Variants in UBXN4 observed in about 807,000 individuals in gnomAD.
The protein encoded by UBXN4 is UBX domain-containing protein 4.
A neutral mutation model predicts 66.2 loss-of-function variants in UBXN4; 35 were observed. The ratio of observed to expected loss-of-function variants is 0.53; its 90% confidence interval spans 0.40 to 0.70. UBXN4 has a LOEUF of 0.70. Among genes scored for constraint, UBXN4 ranks in the 30% least tolerant of loss-of-function variants. The probability of loss-of-function intolerance (pLI) is 0.00; values close to 1 mark genes in which losing one functional copy is unlikely to be tolerated. For missense variants in UBXN4, 533 were observed against 599.8 expected, an observed-to-expected ratio of 0.89 and a Z score of 1.16; for synonymous variants, 203 against 204.5, an observed-to-expected ratio of 0.99 and a Z score of 0.06.
At chr2:135,778,307 A>G (rs1274343986) in intron 10 of UBXN4, among the ~76,000 whole-genome samples, 1 of 152,034 alleles carries the variant, frequency 6.6e-6, no homozygotes, top group Non-Finnish European at 1.5e-5. Context: ...AAAAAATACG[A>G]AAAACAAGTT....
At chr2:135,776,833 T>C (rs2077417956) in intron 10 of UBXN4, among the ~76,000 whole-genome samples, 1 of 152,056 alleles carries the variant, frequency 6.6e-6, no homozygotes, top group Admixed American at 6.6e-5. Flanking sequence ...GGCTCAAGCA[T>C]TCCTCCCACC....
At chr2:135,748,793 G>A (rs2077225188) in intron 2 of UBXN4, among the ~76,000 whole-genome samples, 1 of 151,870 alleles carries the variant, frequency 6.6e-6, no homozygotes, top group African/African-American at 2.4e-5. Context: ...ACTTTGGGAG[G>A]CCAAGACAGG....
At chr2:135,761,172 G>T (rs2105499446) in intron 5 of UBXN4, among the ~76,000 whole-genome samples, 1 of 152,318 alleles carries the variant, frequency 6.6e-6, no homozygotes, top group East Asian at 1.9e-4. Context: ...CAGGTTGGTG[G>T]CAAGTTGTAA....
chr2:135,760,124 C>T lies in UBXN4; in HGVS notation c.509-1694C>T, dbSNP rs575747450. Among the ~76,000 whole-genome samples, 9 of 152,204 alleles carry T rather than the reference C, an allele frequency of 5.9e-5. No homozygotes were observed. In the East Asian group the frequency reaches 1.2e-3, roughly 20 times the overall value. The stretch of plus-strand genomic sequence containing the variant: ...ATATGAGTGTTAATAAGCTATTTCA[C>T]ACAATTTTGGGTCACCCATAAAGTT... On this transcript the variant is annotated intron_variant, in intron 5 of 12. Coordinates refer to ENST00000272638, the MANE Select transcript of UBXN4 (RefSeq NM_014607.4).
chr2:135,758,919 C>T (rs1049005069), intron 5 of UBXN4, among the ~76,000 whole-genome samples: 37 of 152,050 alleles, frequency 2.4e-4, no homozygotes, highest in African/African-American at 8.7e-4. Context: ...CCACCATGCC[C>T]GGCTAATTTT....
In UBXN4 at chr2:135,783,001, C is replaced by T; in HGVS notation, c.*114C>T. ...ATTTTCCAACTGGTCTATAAAATGT[C>T]TCTTTATTCCTGCTTAGTGGGTGTG... On this transcript the variant is annotated 3_prime_UTR_variant, in exon 13 of 13. Transcript: ENST00000272638. The T allele has an allele frequency of 8.7e-7, 1 of 1,145,364 alleles. No individual in the cohort carries two copies. Among genetic ancestry groups the T allele is most frequent in the Non-Finnish European group, 1.2e-6 (1 of 815,192 alleles). The allele number at this position is 1,145,364 out of a possible 1,614,324, so 71.0% of individuals were successfully genotyped here. A position where few individuals can be genotyped will look rare whatever the true frequency, so the allele number is the denominator to read the frequency against.
rs1286814540 is a variant in UBXN4, at chr2:135,782,768, G to C, written c.1408G>C (p.Val470Leu). The C allele has an allele frequency of 1.9e-6, 3 of 1,613,820 alleles. No homozygotes were observed. Among genetic ancestry groups the C allele is most frequent in the Admixed American group, 1.7e-5 (1 of 59,946 alleles). Residue 470 changes from valine (V) to leucine (L), a missense_variant, in exon 13 of 13, where the codon GTG (valine) becomes CTG (leucine). Val to Leu is a conservative substitution (Grantham distance 32, BLOSUM62 1). This residue lies in a region of UBXN4 where 529 missense variants were observed against 580.1 expected (regional missense o/e 0.91). Transcript: ENST00000272638. ...TATCAGGGAACCAGTGAGAAAAAGA[G>C]TGCTGGAAAAACGTGGAGACGACTT... ...SEKREPVRKR[V>L]LEKRGDDFKK...
intron 12 of UBXN4, 132 bp from the exon 13 acceptor site, chr2:135,782,616 TG>T: frequency 9.5e-7 from 1 of 1,053,510 alleles, no homozygotes; most frequent in Non-Finnish European, 1.4e-6. Context: ...TGGTCTCCCA[TG>T]GACTTTCCTT....
intron 7 of UBXN4, 31 bp downstream of exon 7, chr2:135,769,854 C>T (rs766089882): frequency 3.8e-6 from 6 of 1,558,876 alleles, no homozygotes; most frequent in Non-Finnish European, 5.2e-6. Context: ...ATTGTTTTGT[C>T]CTCTCATTAA....
In UBXN4 at chr2:135,751,331, C is replaced by T. The variant is rs144884742; in HGVS notation, c.186-2208C>T. 0.01 allele frequency among the ~76,000 whole-genome samples: 1,558 copies of T among 150,798 alleles called. 96 individuals are homozygous for T. The East Asian group carries it at 0.19, about 18-fold the overall frequency. ...CCTCCCAAGTAGCTGGGACTATAGG[C>T]GCCCACCACCATGCCTGGCTAATTT... On this transcript the variant is annotated intron_variant, in intron 2 of 12. Coordinates refer to ENST00000272638, the MANE Select transcript of UBXN4 (RefSeq NM_014607.4).
chr2:135,764,664 G>A (rs568346869), intron 6 of UBXN4, among the ~76,000 whole-genome samples: 2 of 151,998 alleles, frequency 1.3e-5, no homozygotes, highest in Admixed American at 6.6e-5. Flanking sequence ...CACCACACCC[G>A]GCTAATTTTT....
chr2:135,783,001 C>G lies in UBXN4; in HGVS notation c.*114C>G. ...ATTTTCCAACTGGTCTATAAAATGT[C>G]TCTTTATTCCTGCTTAGTGGGTGTG... On this transcript the variant is annotated 3_prime_UTR_variant, in exon 13 of 13. Coordinates refer to ENST00000272638, the MANE Select transcript of UBXN4 (RefSeq NM_014607.4). 1 of 1,145,364 alleles carries G rather than the reference C, an allele frequency of 8.7e-7. No homozygotes were observed. Among genetic ancestry groups the G allele is most frequent in the African/African-American group, 1.6e-5 (1 of 64,290 alleles). 71.0% of individuals were successfully genotyped at this position (1,145,364 alleles called of 1,614,324 possible). A position where few individuals can be genotyped will look rare whatever the true frequency, so the allele number is the denominator to read the frequency against.
At chr2:135,753,782 A>G in intron 3 of UBXN4, 2 of 477,946 alleles carry the variant, frequency 4.2e-6, no homozygotes, top group Non-Finnish European at 7.3e-6. Flanking sequence ...TGCACCCCAT[A>G]CATTGAGATA....
At chr2:135,767,984 T>C (rs370963850) in intron 6 of UBXN4, among the ~76,000 whole-genome samples, 12 of 152,282 alleles carry the variant, frequency 7.9e-5, no homozygotes, top group Admixed American at 5.2e-4. Context: ...GTCTTCTGGC[T>C]TTTTGACAGT....
intron 1 of UBXN4, among the ~76,000 whole-genome samples, chr2:135,743,951 G>A (rs1376611552): frequency 6.6e-6 from 1 of 152,172 alleles, no homozygotes; most frequent in African/African-American, 2.4e-5. Context: ...AATGTTTGCA[G>A]GAAGACTGTT....
intron 4 of UBXN4, among the ~76,000 whole-genome samples, chr2:135,754,782 CCTTT>C (rs954642355): frequency 5.3e-5 from 8 of 151,890 alleles, no homozygotes; most frequent in African/African-American, 1.9e-4. Flanking sequence ...GACTTCTTTA[CCTTT>C]CTTTATTTTT....
chr2:135,745,274 C>T (rs2077200313), intron 1 of UBXN4, among the ~76,000 whole-genome samples: 1 of 152,148 alleles, frequency 6.6e-6, no homozygotes, highest in Admixed American at 6.5e-5. Context: ...TAGGCCTTTC[C>T]CTACACACGT....
At chr2:135,769,748 G>T (rs559336639) in intron 6 of UBXN4, 21 bp from the exon 7 acceptor site, 246 of 1,133,274 alleles carry the variant, frequency 2.2e-4, no homozygotes, top group Non-Finnish European at 2.5e-4. Context: ...ATTAGTGGTG[G>T]TTTTTTTTTT....
In UBXN4 at chr2:135,754,327, G is replaced by T. The variant is rs751505209; in HGVS notation, c.333+50G>T. On this transcript the variant is annotated intron_variant, in intron 4 of 12. Transcript: ENST00000272638. The stretch of plus-strand genomic sequence containing the variant: ...TCCGTAAATGGTACGTCAGGAATTG[G>T]ATTTTTTTTTTTGAGATGGAGTCTC... The T allele has an allele frequency of 2.3e-5, 34 of 1,463,826 alleles. No individual in the cohort carries two copies. The East Asian group carries it at 7.1e-4, about 31-fold the overall frequency. The allele number at this position is 1,463,826 out of a possible 1,614,324, so 90.7% of individuals were successfully genotyped here.
Sources: gnomAD v4.1 joint callset for allele counts (sites outside exome capture counted in the v4.1 genomes callset) on GRCh38, gnomAD v4.1.1 for gene constraint, gnomAD v4.1.1 regional missense constraint, MANE v1.5 for transcripts, NCBI Gene and HGNC (gene_info 2026-07-23, HGNC 2026-07-21) for gene names.